ATP8A1: variants seen among roughly 807,000 people sequenced by gnomAD.
The protein encoded by ATP8A1 is phospholipid-transporting ATPase IA.
A neutral mutation model predicts 177.7 loss-of-function variants in ATP8A1; 90 were observed. That is an observed-to-expected ratio of 0.51 (90% CI 0.43 to 0.60). The LOEUF (loss-of-function observed/expected upper bound fraction) is 0.60, where lower values mean the gene tolerates loss of function less well. Among genes scored for constraint, ATP8A1 ranks in the 20% least tolerant of loss-of-function variants. The pLI is 0.00. For missense variants in ATP8A1, 1,072 were observed against 1,392.8 expected (o/e 0.77, Z 3.67); for synonymous variants, 493 against 485.9 (o/e 1.01, Z -0.19).
intron 34 of ATP8A1, 31 bp from the exon 35 acceptor site, chr4:42,422,930 G>A: frequency 6.5e-7 from 1 of 1,539,222 alleles, no homozygotes; most frequent in Non-Finnish European, 8.9e-7. Context: ...GGATTTGCAT[G>A]GAAATACTTC....
chr4:42,625,713 G>A lies in ATP8A1; in HGVS notation c.165C>T (p.Ser55=). 6.3e-7 allele frequency: 1 copy of A among 1,575,636 alleles called. No homozygotes were observed. The part of the protein sequence containing the change: ...QLTKFCNNHV[S]TAKYNIITFL... ...ATGTGATTATGTTGTATTTTGCAGT[G>A]CTAGAAAACAAAAATGAAAAGTAGC... Residue 55 remains serine (S), a splice_region_variant and synonymous_variant, in exon 3 of 37, where the codon AGC becomes AGT. Coordinates refer to ENST00000381668, the MANE Select transcript of ATP8A1 (RefSeq NM_006095.2).
At chr4:42,564,312 C>A (rs568194193) in intron 15 of ATP8A1, among the ~76,000 whole-genome samples, 1 of 152,238 alleles carries the variant, frequency 6.6e-6, no homozygotes, top group Admixed American at 6.5e-5. Flanking sequence ...TCCTCCAGAC[C>A]CCAGAATGCT....
At chr4:42,652,469 T>C (rs1191747536) in intron 1 of ATP8A1, among the ~76,000 whole-genome samples, 1 of 152,230 alleles carries the variant, frequency 6.6e-6, no homozygotes, top group African/African-American at 2.4e-5. Context: ...AATATTAGAA[T>C]TCTAAATTAT....
At chr4:42,641,561 C>T (rs2575554) in intron 1 of ATP8A1, among the ~76,000 whole-genome samples, 123,469 of 151,956 alleles carry the variant, frequency 0.81, 50,564 homozygotes, top group African/African-American at 0.9. Context: ...CAGTGCAGGG[C>T]GCAAGTTTTC....
intron 25 of ATP8A1, among the ~76,000 whole-genome samples, chr4:42,481,981 A>G (rs1008160513): frequency 1.3e-5 from 2 of 152,152 alleles, no homozygotes; most frequent in African/African-American, 4.8e-5. Context: ...CACAATGTTA[A>G]AAACAGAAGC....
intron 15 of ATP8A1, chr4:42,562,105 C>T (rs1287272374): frequency 2.0e-5 from 3 of 152,138 alleles, no homozygotes; most frequent in Non-Finnish European, 2.9e-5. Context: ...TGATGAAACA[C>T]GCTGATGATA....
chr4:42,633,095 C>T (rs765750800), intron 1 of ATP8A1, among the ~76,000 whole-genome samples: 7 of 152,174 alleles, frequency 4.6e-5, no homozygotes, highest in East Asian at 1.9e-4. Context: ...AACTCAGTCA[C>T]GAAGTGAAAT....
Position 42,464,718 on chromosome 4 carries a change from T to G in ATP8A1, c.2591A>C (p.Tyr864Ser). 6.2e-7 allele frequency: 1 copy of G among 1,610,656 alleles called. No homozygotes were observed. Among genetic ancestry groups the G allele is most frequent in the East Asian group, 2.2e-5 (1 of 44,850 alleles). ...GATAATATAGAGCACTATATTCTTG[T>G]AGAAGCAGTATAAGATGCACTTGGA... The part of the protein sequence containing the change: ...RVSKCILYCF[Y>S]KNIVLYIIEI... The change falls in exon 27 of 37, where the codon TAC becomes TCC. Residue 864 changes from tyrosine (Y) to serine (S), a missense_variant. This residue lies in a region of ATP8A1 where 316 missense variants were observed against 459.1 expected (regional missense o/e 0.69). Coordinates refer to ENST00000381668, the MANE Select transcript of ATP8A1 (RefSeq NM_006095.2).
intron 20 of ATP8A1, among the ~76,000 whole-genome samples, chr4:42,540,335 T>A (rs1443874874): frequency 6.6e-6 from 1 of 152,118 alleles, no homozygotes; most frequent in East Asian, 1.9e-4. Context: ...TTGGTGGGAA[T>A]GTAAACTAGT....
chr4:42,573,985 C>T (rs1410144110), intron 14 of ATP8A1, among the ~76,000 whole-genome samples: 1 of 152,012 alleles, frequency 6.6e-6, no homozygotes, highest in Non-Finnish European at 1.5e-5. Context: ...TCTCACATTA[C>T]CCTATAAAAT....
chr4:42,613,892 T>TC (rs903254220), intron 5 of ATP8A1, among the ~76,000 whole-genome samples: 2 of 152,100 alleles, frequency 1.3e-5, no homozygotes, highest in Non-Finnish European at 2.9e-5. Context: ...CCTCATTTTT[T>TC]TTTTTTCCTT....
intron 25 of ATP8A1, among the ~76,000 whole-genome samples, chr4:42,466,740 A>G (rs1719813340): frequency 6.6e-6 from 1 of 152,214 alleles, no homozygotes; most frequent in Non-Finnish European, 1.5e-5. Flanking sequence ...TTAGCAGGCT[A>G]TTTCACTGTT....
At chr4:42,629,508 CCA>C (rs1350660614) in intron 1 of ATP8A1, among the ~76,000 whole-genome samples, 9 of 152,322 alleles carry the variant, frequency 5.9e-5, no homozygotes, top group African/African-American at 2.2e-4. Context: ...AGGCTCTCAG[CCA>C]GTGGAGCTGG....
intron 5 of ATP8A1, among the ~76,000 whole-genome samples, chr4:42,611,798 CA>C (rs1218552526): frequency 2.6e-5 from 4 of 152,216 alleles, no homozygotes; most frequent in South Asian, 2.1e-4. Flanking sequence ...ATTAGAATAA[CA>C]ATTATAAATT....
chr4:42,484,080 G>A (rs141272043), intron 25 of ATP8A1, among the ~76,000 whole-genome samples: 1 of 152,298 alleles, frequency 6.6e-6, no homozygotes, highest in East Asian at 1.9e-4. Flanking sequence ...GTGATTAAGT[G>A]ACCAAATCTG....
At chr4:42,480,723 T>G (rs1721586646) in intron 25 of ATP8A1, among the ~76,000 whole-genome samples, 1 of 152,004 alleles carries the variant, frequency 6.6e-6, no homozygotes, top group African/African-American at 2.4e-5. Context: ...TTGATAGGAG[T>G]AAGGTGAAAG....
chr4:42,509,890 AG>A, intron 22 of ATP8A1, among the ~76,000 whole-genome samples: 1 of 151,440 alleles, frequency 6.6e-6, no homozygotes, highest in Admixed American at 6.6e-5. Context: ...GTTTCTTTTA[AG>A]CTTTCCTTTA....
intron 25 of ATP8A1, among the ~76,000 whole-genome samples, chr4:42,475,406 T>C (rs1049969731): frequency 1.3e-5 from 2 of 150,804 alleles, no homozygotes; most frequent in African/African-American, 2.4e-5. Flanking sequence ...TACAGAAGGA[T>C]TGAACATAAG....
At chr4:42,479,996 T>TGTGTG (rs1721493242) in intron 25 of ATP8A1, among the ~76,000 whole-genome samples, 1 of 135,590 alleles carries the variant, frequency 7.4e-6, no homozygotes, top group East Asian at 2.2e-4. Context: ...GCAGTTCTGC[T>TGTGTG]TGTGTGTGTG....
Sources: gnomAD v4.1 joint callset for allele counts (sites outside exome capture counted in the v4.1 genomes callset) on GRCh38, gnomAD v4.1.1 for gene constraint, gnomAD v4.1.1 regional missense constraint, MANE v1.5 for transcripts, NCBI Gene and HGNC (gene_info 2026-07-23, HGNC 2026-07-21) for gene names.